EP400: variants seen among roughly 807,000 people sequenced by gnomAD.
The protein encoded by EP400 is E1A binding protein p400.
EP400 carries 105 observed loss-of-function variants against 354.1 expected under a neutral mutation model. The observed-to-expected ratio is 0.30, with a 90% CI of 0.25 to 0.35. The LOEUF (loss-of-function observed/expected upper bound fraction) is 0.35, where lower values mean the gene tolerates loss of function less well. Ranked by LOEUF, EP400 falls within the 10% of genes least tolerant of loss-of-function variation. The pLI is 1.00. For synonymous variants in EP400, 1,646 were observed against 1,716.9 expected, an observed-to-expected ratio of 0.96 and a Z score of 1.02; for missense variants, 3,280 against 4,121.0, an observed-to-expected ratio of 0.80 and a Z score of 5.59.
chr12:132,011,401 T>C, intron 15 of EP400, 97 bp from the exon 16 acceptor site: 1 of 1,471,038 alleles, frequency 6.8e-7, no homozygotes, highest in Non-Finnish European at 9.3e-7. Context: ...ATGTGACACA[T>C]ACTCATACTG....
intron 7 of EP400, 90 bp from the exon 8 acceptor site, chr12:131,989,874 G>A: frequency 6.8e-7 from 1 of 1,464,262 alleles, no homozygotes; most frequent in Non-Finnish European, 9.3e-7. Context: ...TGTAATTTTA[G>A]TCTGAGAAGA....
rs1893147226 is a variant in EP400 at position 131,994,703 on chromosome 12, A to AGTTTCCTGCCCATTTAATTAAATTT, written c.2738-163_2738-139dup. ...GAAGTGGAAGGGGAAATACACTTCCAGTTTCCTGCCCATTTAATTAAATTT... is the reference window on the plus strand; with the variant it reads ...GAAGTGGAAGGGGAAATACACTTCCAGTTTCCTGCCCATTTAATTAAATTTGTTTCCTGCCCATTTAATTAAATTT... On this transcript the variant is annotated intron_variant, in intron 11 of 52. Coordinates refer to ENST00000389561, the MANE Select transcript of EP400 (RefSeq NM_015409.5). This position sits in a 1 kb window ranked among gnomAD's most constrained non-coding sequence, Gnocchi z 4.6. Among the ~76,000 whole-genome samples, 1 of 152,250 alleles carries AGTTTCCTGCCCATTTAATTAAATTT rather than the reference A, an allele frequency of 6.6e-6. No homozygotes were observed. Among genetic ancestry groups the AGTTTCCTGCCCATTTAATTAAATTT allele is most frequent in the African/African-American group, 2.4e-5 (1 of 41,476 alleles).
Position 132,032,872 on chromosome 12 carries a change from G to A in EP400, c.5951+723G>A, listed in dbSNP as rs560105598. Among the ~76,000 whole-genome samples, 206 of 152,018 alleles carry A rather than the reference G, an allele frequency of 1.4e-3. 2 individuals are homozygous for A. The highest frequency in any genetic ancestry group is 4.7e-3 in the African/African-American group (197 of 41,508). ...TCTCGAACTCCTGACCTCGTGATCC[G>A]CCCGCCGTGGCCTCCCAAAGTGCTG... is the stretch of plus-strand genomic sequence containing the variant. On this transcript the variant is annotated intron_variant, in intron 30 of 52. Transcript: ENST00000389561.
At chr12:132,026,885 G>A (rs1894325325) in intron 25 of EP400, among the ~76,000 whole-genome samples, 1 of 152,230 alleles carries the variant, frequency 6.6e-6, no homozygotes, top group Non-Finnish European at 1.5e-5. Context: ...CGCACTAAGT[G>A]GCATGGCTTC....
At chr12:132,051,295 G>C (rs759139546) in intron 41 of EP400, among the ~76,000 whole-genome samples, 1 of 152,148 alleles carries the variant, frequency 6.6e-6, no homozygotes, top group Non-Finnish European at 1.5e-5. Context: ...AGGGTCGGTG[G>C]GTTTCTCCCC....
rs1457649757 is a variant in EP400 at position 132,045,979 on chromosome 12, C to G, written c.7200+79C>G. ...GTGGCCTGCAGTTTCAGCTCCAGTCCTGCTCTTCACTGACTGGGCTCCTTC... is the reference window on the plus strand; with the variant it reads ...GTGGCCTGCAGTTTCAGCTCCAGTCGTGCTCTTCACTGACTGGGCTCCTTC... On this transcript the variant is annotated intron_variant, in intron 39 of 52. Coordinates refer to ENST00000389561, the MANE Select transcript of EP400 (RefSeq NM_015409.5). The G allele has an allele frequency of 2.0e-5, 30 of 1,496,188 alleles. 1 individual carries two copies. In the South Asian group the frequency reaches 2.2e-4, roughly 11 times the overall value. 92.7% of individuals were successfully genotyped at this position (1,496,188 alleles called of 1,614,324 possible). A position where few individuals can be genotyped will look rare whatever the true frequency, so the allele number is the denominator to read the frequency against.
rs1476510362 is a variant in EP400 at position 132,052,889 on chromosome 12, G to A, written c.7395-257G>A. On this transcript the variant is annotated intron_variant, in intron 41 of 52. Transcript: ENST00000389561. This position sits in a 1 kb window ranked among gnomAD's most constrained non-coding sequence, Gnocchi z 4.4. ...TGCGTTTGGGGGCTGCCACAAGTACGCTGGGGACGTGTTCGGAGATACTTT... is the reference window on the plus strand; with the variant it reads ...TGCGTTTGGGGGCTGCCACAAGTACACTGGGGACGTGTTCGGAGATACTTT... Among the ~76,000 whole-genome samples, 1 of 152,152 alleles carries A rather than the reference G, an allele frequency of 6.6e-6. No individual in the cohort carries two copies. The highest frequency in any genetic ancestry group is 2.4e-5 in the African/African-American group (1 of 41,438).
In EP400 at chr12:132,017,222, C is replaced by A. The variant is rs1893973099; in HGVS notation, c.3924-313C>A. Among the ~76,000 whole-genome samples, 1 of 152,260 alleles carries A rather than the reference C, an allele frequency of 6.6e-6. No homozygotes were observed. The highest frequency in any genetic ancestry group is 6.5e-5 in the Admixed American group (1 of 15,288). ...ACTCTGCTGCGCTCACCCTGCCCCT[C>A]ACTTTGCTCATCCCCCTTGGATGCC... On this transcript the variant is annotated intron_variant, in intron 19 of 52. Transcript: ENST00000389561. The surrounding 1 kb of genome is among the most constrained non-coding windows in gnomAD (Gnocchi z 5.0).
chr12:131,988,125 G>A (rs1369298562), intron 7 of EP400, among the ~76,000 whole-genome samples: 5 of 151,790 alleles, frequency 3.3e-5, no homozygotes, highest in African/African-American at 1.2e-4. Flanking sequence ...GCTCGCCTCG[G>A]CCTCCTGGAG....
In EP400 at chr12:132,005,056, TC is replaced by T; in HGVS notation, c.2828-20del. 2 of 1,548,502 alleles carry T rather than the reference TC, an allele frequency of 1.3e-6. No homozygotes were observed. Among genetic ancestry groups the T allele is most frequent in the South Asian group, 2.4e-5 (2 of 84,408 alleles). ...GTTGTTGTTATAAAGTAACAGCCCT[TC>T]TGCCCGCAACCCTCTGCAGCTGAGC... On this transcript the variant is annotated intron_variant, in intron 12 of 52. Transcript: ENST00000389561.
chr12:132,069,362 A>G (rs1896002255), intron 50 of EP400, 133 bp from the exon 51 acceptor site: 2 of 1,263,794 alleles, frequency 1.6e-6, no homozygotes, highest in Admixed American at 2.3e-5. Flanking sequence ...AGATGTGGGT[A>G]TGCACAGGGT....
chr12:132,076,776 G>A (rs1037338149), intron 52 of EP400, among the ~76,000 whole-genome samples, 183 bp downstream of exon 52: 5 of 152,254 alleles, frequency 3.3e-5, no homozygotes, highest in Non-Finnish European at 7.3e-5. Context: ...TAGAGGTTGT[G>A]TCAGCCATAC....
intron 27 of EP400, 92 bp downstream of exon 27, chr12:132,028,380 C>A (rs1388475588): frequency 6.7e-7 from 1 of 1,483,496 alleles, no homozygotes; most frequent in Non-Finnish European, 9.3e-7. Flanking sequence ...CATCTTACTC[C>A]CATCGGCTTC....
In EP400 at chr12:132,032,037, G is replaced by T. The variant is rs761196372; in HGVS notation, c.5839G>T (p.Val1947Leu). The T allele has an allele frequency of 1.9e-6, 3 of 1,614,246 alleles. No individual in the cohort carries two copies. In the Admixed American group the frequency reaches 5.0e-5, roughly 27 times the overall value. Residue 1947 changes from valine (V) to leucine (L), a missense_variant, in exon 30 of 53, where the codon GTA becomes TTA. Coordinates refer to ENST00000389561, the MANE Select transcript of EP400 (RefSeq NM_015409.5). ...CAGCCGTACCACAGGTATAAACCTT[G>T]TAGAGGCGGACACCGTCGTGTTTTA... ...THSRTTGINLVEADTVVFYDN... is the reference protein window; with the variant it reads ...THSRTTGINLLEADTVVFYDN...
chr12:132,058,650 T>G (rs1249353880), intron 45 of EP400, among the ~76,000 whole-genome samples: 1 of 152,122 alleles, frequency 6.6e-6, no homozygotes, highest in Non-Finnish European at 1.5e-5. Context: ...GCGCCCAGCC[T>G]AGACTATGGA....
intron 47 of EP400, among the ~76,000 whole-genome samples, chr12:132,062,946 G>A (rs1000451838): frequency 1.7e-4 from 26 of 152,174 alleles, no homozygotes; most frequent in Non-Finnish European, 1.5e-4. Flanking sequence ...AACACCCAGC[G>A]TGCAAATGCG....
chr12:132,015,444 T>C (rs1193319365), intron 19 of EP400, among the ~76,000 whole-genome samples: 1 of 152,216 alleles, frequency 6.6e-6, no homozygotes, highest in Admixed American at 6.5e-5. Flanking sequence ...CTCATAACTT[T>C]ATGCAGGTTT....
intron 30 of EP400, 83 bp from the exon 31 acceptor site, chr12:132,037,599 G>T (rs1294769641): frequency 9.1e-7 from 1 of 1,100,506 alleles, no homozygotes; most frequent in Non-Finnish European, 1.4e-6. Flanking sequence ...TGGATTCGTT[G>T]ATCACCATCT....
intron 12 of EP400, among the ~76,000 whole-genome samples, chr12:131,999,360 A>C (rs1893328970): frequency 6.6e-6 from 1 of 152,132 alleles, no homozygotes; most frequent in Non-Finnish European, 1.5e-5. Flanking sequence ...GACATAGTGT[A>C]TAGGGTTCTT....
Sources: allele counts gnomAD v4.1 joint callset (sites outside exome capture counted in the v4.1 genomes callset), GRCh38; gene constraint gnomAD v4.1.1; non-coding constraint Gnocchi (gnomAD v3.1); transcripts MANE v1.5; gene names NCBI Gene and HGNC (gene_info 2026-07-23, HGNC 2026-07-21).